The following NELL2 variants were observed in gnomAD, a reference collection of about 807,000 sequenced individuals.
The protein encoded by NELL2 is protein kinase C-binding protein NELL2.
Under a neutral mutation model 109.6 loss-of-function variants are expected in NELL2, and 41 were observed. The ratio of observed to expected loss-of-function variants is 0.37; its 90% CI spans 0.29 to 0.49. The LOEUF (loss-of-function observed/expected upper bound fraction) is 0.49, where lower values mean the gene tolerates loss of function less well. NELL2 is among the 20% of genes least tolerant of loss of function. The pLI is 0.98. For missense variants in NELL2, 900 were observed against 1,008.3 expected (o/e 0.89, Z 1.45); for synonymous variants, 355 against 344.7 (o/e 1.03, Z -0.33).
Position 44,714,713 on chromosome 12 carries a change from G to A in NELL2, c.1023C>T (p.Tyr341=), listed in dbSNP as rs756489520. ...AGACTGTATTTCTTTCTCCTTCAAAGTAGGTTCGTCCTTGAAATTGGCATA... is the reference window on the plus strand; with the variant it reads ...AGACTGTATTTCTTTCTCCTTCAAAATAGGTTCGTCCTTGAAATTGGCATA... ...KSICQFQGRT[Y]FEGERNTVYS... The change falls in exon 10 of 20, where the codon TAC becomes TAT. Residue 341 remains tyrosine, a synonymous_variant. Transcript: ENST00000429094. 1 of 1,602,800 alleles carries A rather than the reference G, an allele frequency of 6.2e-7. No individual in the cohort carries two copies. Among genetic ancestry groups the A allele is most frequent in the Non-Finnish European group, 8.5e-7 (1 of 1,175,514 alleles).
intron 9 of NELL2, among the ~76,000 whole-genome samples, chr12:44,759,925 G>A (rs911144001): frequency 5.3e-5 from 8 of 152,236 alleles, no homozygotes; most frequent in South Asian, 2.1e-4. Flanking sequence ...TATGGCATCC[G>A]TCTCTTTCAC....
chr12:44,686,472 T>C (rs1948720238), intron 12 of NELL2, among the ~76,000 whole-genome samples: 2 of 152,214 alleles, frequency 1.3e-5, no homozygotes, highest in African/African-American at 4.8e-5. Flanking sequence ...CTGCGTTCCT[T>C]TGGAGGAGGA....
chr12:44,649,538 G>A (rs951434423), intron 13 of NELL2, among the ~76,000 whole-genome samples: 6 of 152,184 alleles, frequency 3.9e-5, no homozygotes, highest in Non-Finnish European at 7.3e-5. Flanking sequence ...ACATCCTGCA[G>A]TGGTCCCCAG....
chr12:44,696,207 A>G (rs1949059149), intron 12 of NELL2, among the ~76,000 whole-genome samples: 2 of 152,210 alleles, frequency 1.3e-5, no homozygotes, highest in African/African-American at 4.8e-5. Context: ...TTTAAAAAAC[A>G]GTTACTTGAA....
At chr12:44,758,045 T>TACAC (rs56835414) in intron 9 of NELL2, among the ~76,000 whole-genome samples, 76 of 149,892 alleles carry the variant, frequency 5.1e-4, no homozygotes, top group South Asian at 1.1e-3. Flanking sequence ...TACAGGAGAT[T>TACAC]ACACACACAC....
intron 15 of NELL2, among the ~76,000 whole-genome samples, chr12:44,548,051 C>T (rs1340227865): frequency 6.6e-6 from 1 of 152,112 alleles, no homozygotes; most frequent in Non-Finnish European, 1.5e-5. Context: ...CATTATTCAT[C>T]TTCATAATTA....
At chr12:44,642,828 TCCGAGATCACGCCA>T (rs1244018468) in intron 13 of NELL2, among the ~76,000 whole-genome samples, 4 of 152,012 alleles carry the variant, frequency 2.6e-5, no homozygotes, top group Admixed American at 2.6e-4. Flanking sequence ...GTTGCAGTGA[TCCGAGATCACGCCA>T]CTGCACTTCA....
chr12:44,775,397 G>C (rs1941718244), intron 8 of NELL2, among the ~76,000 whole-genome samples: 1 of 152,088 alleles, frequency 6.6e-6, no homozygotes, highest in Non-Finnish European at 1.5e-5. Flanking sequence ...CAGAAAACCA[G>C]CTTTAACAGA....
chr12:44,874,714 T>C (rs1945263139), intron 2 of NELL2, among the ~76,000 whole-genome samples: 1 of 152,254 alleles, frequency 6.6e-6, no homozygotes, highest in Admixed American at 6.5e-5. Context: ...CTTTCAAAGA[T>C]AAATTTTGCC....
At chr12:44,791,097 G>GTGTATATATATATGTATATATATATGTA (rs1942383976) in intron 3 of NELL2, among the ~76,000 whole-genome samples, 2 of 38,490 alleles carry the variant, frequency 5.2e-5, no homozygotes, top group African/African-American at 2.1e-4. Flanking sequence ...ATATATATAT[G>GTGTATATATATATGTATATATATATGTA]TATATATATA....
chr12:44,587,307 A>ATATATATATATAT (rs1302978950), intron 15 of NELL2, among the ~76,000 whole-genome samples: 9 of 96,642 alleles, frequency 9.3e-5, no homozygotes, highest in African/African-American at 3.8e-4. Context: ...ATATATATAT[A>ATATATATATATAT]TTTTTTTTTA....
At chr12:44,570,735 A>C (rs1943835935) in intron 15 of NELL2, among the ~76,000 whole-genome samples, 1 of 152,160 alleles carries the variant, frequency 6.6e-6, no homozygotes, top group African/African-American at 2.4e-5. Context: ...TACTCTGTTC[A>C]TCTCTCTGCT....
At chr12:44,776,235 A>T in intron 7 of NELL2, 85 bp from the exon 8 acceptor site, 4 of 1,429,950 alleles carry the variant, frequency 2.8e-6, no homozygotes, top group South Asian at 1.3e-5. Flanking sequence ...TCTTTTTTTT[A>T]AAGTATGTAG....
intron 12 of NELL2, 106 bp from the exon 13 acceptor site, chr12:44,665,715 T>C (rs1947902211): frequency 7.2e-6 from 9 of 1,253,878 alleles, no homozygotes; most frequent in Middle Eastern, 2.0e-4. Context: ...ATGAATAGCA[T>C]TTCAGAAAAG....
intron 12 of NELL2, among the ~76,000 whole-genome samples, chr12:44,671,181 C>A (rs1948127183): frequency 6.6e-6 from 1 of 152,090 alleles, no homozygotes; most frequent in South Asian, 2.1e-4. Flanking sequence ...GCAACATGTT[C>A]CTGAGCAACC....
intron 15 of NELL2, among the ~76,000 whole-genome samples, chr12:44,562,888 TTC>T (rs1441902965): frequency 3.3e-5 from 5 of 152,218 alleles, no homozygotes; most frequent in Admixed American, 2.0e-4. Context: ...TGCAGCACTG[TTC>T]ACAATAGCAA....
At chr12:44,849,667 A>G (rs1443341098) in intron 2 of NELL2, among the ~76,000 whole-genome samples, 1 of 152,218 alleles carries the variant, frequency 6.6e-6, no homozygotes, top group Non-Finnish European at 1.5e-5. Context: ...AATAAAAGTA[A>G]ATGTCCAAAA....
chr12:44,857,136 C>T (rs1944707243), intron 2 of NELL2, among the ~76,000 whole-genome samples: 1 of 152,096 alleles, frequency 6.6e-6, no homozygotes, highest in Non-Finnish European at 1.5e-5. Flanking sequence ...GACAACCTAC[C>T]TGAATCCTGA....
At chr12:44,821,021 G>A (rs1029347474) in intron 2 of NELL2, among the ~76,000 whole-genome samples, 2 of 146,646 alleles carry the variant, frequency 1.4e-5, no homozygotes, top group Non-Finnish European at 3.0e-5. Flanking sequence ...AGCACAGCAG[G>A]GGCAGCATAT....
Sources: gnomAD v4.1 joint callset for allele counts (sites outside exome capture counted in the v4.1 genomes callset) on GRCh38, gnomAD v4.1.1 for gene constraint, MANE v1.5 for transcripts, NCBI Gene and HGNC (gene_info 2026-07-23, HGNC 2026-07-21) for gene names.